Variants in ZBTB20 observed in about 807,000 individuals in gnomAD.
ZBTB20 encodes zinc finger and BTB domain containing 20, also known as zinc finger and BTB domain-containing protein 20.
A neutral mutation model predicts 56.9 loss-of-function variants in ZBTB20; 9 were observed. The ratio of observed to expected loss-of-function variants is 0.16; its 90% CI spans 0.10 to 0.28. The LOEUF (loss-of-function observed/expected upper bound fraction) is 0.28, where lower values mean the gene tolerates loss of function less well. Among genes scored for constraint, ZBTB20 ranks in the 10% least tolerant of loss-of-function variants. The pLI, the probability that ZBTB20 is intolerant of heterozygous loss-of-function variation, is 1.00. For missense variants in ZBTB20, 655 were observed against 1,003.0 expected (o/e 0.65, Z 4.69); for synonymous variants, 417 against 420.7 (o/e 0.99, Z 0.11).
chr3:114,372,402 C>T (rs1240074679), intron 10 of ZBTB20, among the ~76,000 whole-genome samples: 1 of 152,184 alleles, frequency 6.6e-6, no homozygotes, highest in Non-Finnish European at 1.5e-5. Flanking sequence ...TGAGACCAGA[C>T]TTGCCAAGGG....
At chr3:114,458,111 G>T (rs1344262351) in intron 7 of ZBTB20, among the ~76,000 whole-genome samples, 1 of 152,170 alleles carries the variant, frequency 6.6e-6, no homozygotes, top group East Asian at 1.9e-4. Context: ...GAAGGGAAGA[G>T]TGCTGACCAT....
At chr3:114,959,507 A>G (rs1304733713) in intron 3 of ZBTB20, among the ~76,000 whole-genome samples, 1 of 152,168 alleles carries the variant, frequency 6.6e-6, no homozygotes, top group Non-Finnish European at 1.5e-5. Flanking sequence ...TAAGTAACTA[A>G]GTAAATAAAT....
chr3:114,526,698 C>T (rs976723150), intron 6 of ZBTB20, among the ~76,000 whole-genome samples: 25 of 152,120 alleles, frequency 1.6e-4, no homozygotes, highest in Admixed American at 1.5e-3. Flanking sequence ...TAATTACCTG[C>T]TTAAGTCATT....
chr3:115,116,243 A>G (rs1434870862), intron 1 of ZBTB20, among the ~76,000 whole-genome samples: 2 of 152,062 alleles, frequency 1.3e-5, no homozygotes, highest in Admixed American at 1.3e-4. Context: ...AATGCATGTA[A>G]ATAATGCTCT....
intron 3 of ZBTB20, among the ~76,000 whole-genome samples, chr3:114,935,270 A>G (rs570066456): frequency 1.5e-4 from 23 of 152,214 alleles, no homozygotes; most frequent in South Asian, 4.1e-4. Flanking sequence ...ATTTAGAACA[A>G]CTAAAATCTT....
At chr3:114,958,485 T>C (rs2077325598) in intron 3 of ZBTB20, among the ~76,000 whole-genome samples, 2 of 152,192 alleles carry the variant, frequency 1.3e-5, no homozygotes, top group African/African-American at 4.8e-5. Context: ...GATTTTCTTA[T>C]TCAGAGCAGA....
intron 2 of ZBTB20, among the ~76,000 whole-genome samples, chr3:115,016,029 G>A (rs1460825703): frequency 6.6e-6 from 1 of 151,928 alleles, no homozygotes; most frequent in Non-Finnish European, 1.5e-5. Context: ...GCATGAGATG[G>A]TATCTCACTG....
At chr3:114,644,334 A>G (rs997754563) in intron 6 of ZBTB20, among the ~76,000 whole-genome samples, 1 of 152,122 alleles carries the variant, frequency 6.6e-6, no homozygotes, top group Admixed American at 6.6e-5. Flanking sequence ...TTCTGGTCCA[A>G]CTTTAGAGAG....
intron 3 of ZBTB20, among the ~76,000 whole-genome samples, chr3:114,960,404 A>G (rs1056987337): frequency 6.6e-6 from 1 of 152,252 alleles, no homozygotes; most frequent in Non-Finnish European, 1.5e-5. Flanking sequence ...ATCAAACCAC[A>G]GCATCACGGA....
Position 114,320,047 on chromosome 3 carries a change from G to A in ZBTB20, c.*18958C>T, listed in dbSNP as rs1200593819. On this transcript the variant is annotated 3_prime_UTR_variant, in exon 12 of 12. Coordinates refer to ENST00000675478, the MANE Select transcript of ZBTB20 (RefSeq NM_001348800.3). ...TAATGACAAGATCTCTGCTCTCAGA[G>A]GAATGCTCTGTTTTCTCCATCCCCA... The A allele has an allele frequency of 6.6e-6, 1 of 152,082 alleles. No homozygotes were observed. Among genetic ancestry groups the A allele is most frequent in the Non-Finnish European group, 1.5e-5 (1 of 68,010 alleles). 9.4% of individuals were successfully genotyped at this position (152,082 alleles called of 1,614,324 possible). A position where few individuals can be genotyped will look rare whatever the true frequency, so the allele number is the denominator to read the frequency against.
chr3:115,021,874 A>T lies in ZBTB20; in HGVS notation c.-506-47458T>A, dbSNP rs145416794. On this transcript the variant is annotated intron_variant, in intron 2 of 11. Transcript: ENST00000675478. ...TCTTAGTTAAAAATAAATAAAATTT[A>T]AAAAAATTTGAATGGAGACATTTTG... Among the ~76,000 whole-genome samples, 24 of 150,114 alleles carry T rather than the reference A, an allele frequency of 1.6e-4. No individual in the cohort carries two copies. The East Asian group carries it at 3.9e-3, about 24-fold the overall frequency.
intron 6 of ZBTB20, among the ~76,000 whole-genome samples, chr3:114,595,455 T>C (rs1034067204): frequency 5.9e-5 from 9 of 152,224 alleles, no homozygotes; most frequent in African/African-American, 1.9e-4. Context: ...ATCTATGGTA[T>C]ATAGCAGATC....
chr3:114,565,351 C>T (rs1190158432), intron 6 of ZBTB20, among the ~76,000 whole-genome samples: 2 of 152,174 alleles, frequency 1.3e-5, no homozygotes, highest in Admixed American at 6.5e-5. Context: ...ACCCGATTGT[C>T]GCAATCTTTT....
At chr3:115,074,791 C>T (rs1326223515) in intron 1 of ZBTB20, among the ~76,000 whole-genome samples, 1 of 152,060 alleles carries the variant, frequency 6.6e-6, no homozygotes, top group East Asian at 1.9e-4. Flanking sequence ...TCTAGGGTCA[C>T]ACTAATAGTG....
At chr3:114,655,207 G>A (rs2060330645) in intron 6 of ZBTB20, among the ~76,000 whole-genome samples, 1 of 147,138 alleles carries the variant, frequency 6.8e-6, no homozygotes, top group Admixed American at 6.8e-5. Context: ...TTTTCTTTTG[G>A]GTTTTTGTCA....
intron 2 of ZBTB20, among the ~76,000 whole-genome samples, chr3:114,978,677 T>TGC (rs774342835): frequency 6.6e-6 from 1 of 151,676 alleles, no homozygotes; most frequent in African/African-American, 2.4e-5. Flanking sequence ...GGTGTGTGTG[T>TGC]GTGTGTGTGC....
chr3:115,093,472 GTT>G (rs1282144774), intron 1 of ZBTB20, among the ~76,000 whole-genome samples: 3 of 152,126 alleles, frequency 2.0e-5, no homozygotes, highest in Non-Finnish European at 4.4e-5. Context: ...ACAAAAAATG[GTT>G]TCAGAAAGCC....
At chr3:114,910,809 C>T (rs1312241601) in intron 3 of ZBTB20, among the ~76,000 whole-genome samples, 3 of 151,992 alleles carry the variant, frequency 2.0e-5, no homozygotes, top group Admixed American at 6.6e-5. Flanking sequence ...ACTATTTACT[C>T]ATCTTTCTTA....
chr3:114,619,310 G>A (rs2058154240), intron 6 of ZBTB20, among the ~76,000 whole-genome samples: 1 of 152,036 alleles, frequency 6.6e-6, no homozygotes, highest in Non-Finnish European at 1.5e-5. Flanking sequence ...CTTACATCTA[G>A]GAATTCAGTT....
Sources: allele counts gnomAD v4.1 joint callset (sites outside exome capture counted in the v4.1 genomes callset), GRCh38; gene constraint gnomAD v4.1.1; transcripts MANE v1.5; gene names NCBI Gene and HGNC (gene_info 2026-07-23, HGNC 2026-07-21).